Variants in USHBP1 observed in about 807,000 individuals in gnomAD.
USHBP1 encodes USH1 protein network component harmonin binding protein 1.
In USHBP1, 67 loss-of-function variants were observed where a neutral mutation model predicts 76.2. The ratio of observed to expected loss-of-function variants is 0.88; its 90% CI spans 0.72 to 1.08. USHBP1 has a LOEUF of 1.08. Among genes scored for constraint, USHBP1 ranks in the 50% least tolerant of loss-of-function variants. The pLI, the probability that USHBP1 is intolerant of heterozygous loss-of-function variation, is 0.00. For missense variants in USHBP1, 931 were observed against 915.0 expected (o/e 1.02, Z -0.23); for synonymous variants, 322 against 362.2 (o/e 0.89, Z 1.26).
At chr19:17,254,112 G>A (rs184891396) in intron 10 of USHBP1, among the ~76,000 whole-genome samples, 2 of 152,176 alleles carry the variant, frequency 1.3e-5, no homozygotes, top group East Asian at 3.9e-4. Context: ...GGGAGGCTGA[G>A]GCAGGTGGAT....
At chr19:17,263,868 A>G in intron 3 of USHBP1, 134 bp downstream of exon 3, 1 of 1,292,152 alleles carries the variant, frequency 7.7e-7, no homozygotes, top group Non-Finnish European at 1.0e-6. Flanking sequence ...AAGACTCAAA[A>G]AAAAAAGAAA....
intron 4 of USHBP1, among the ~76,000 whole-genome samples, chr19:17,262,063 C>T (rs926320459): frequency 2.1e-5 from 3 of 145,968 alleles, no homozygotes; most frequent in African/African-American, 5.1e-5. Flanking sequence ...TGCATTGGCA[C>T]GATCTCAGCT....
chr19:17,250,378 C>A lies in USHBP1; in HGVS notation c.1959G>T (p.Lys653Asn), dbSNP rs2073534781. 6.2e-7 allele frequency: 1 copy of A among 1,613,570 alleles called. No individual in the cohort carries two copies. Among genetic ancestry groups the A allele is most frequent in the Non-Finnish European group, 8.5e-7 (1 of 1,179,976 alleles). The change falls in exon 13 of 13, where the codon AAG becomes AAT. Residue 653 changes from lysine (K) to asparagine (N), a missense_variant. Physicochemically the swap from Lys to Asn is moderately conservative, Grantham distance 94. Coordinates refer to ENST00000252597, the MANE Select transcript of USHBP1 (RefSeq NM_031941.4). ...CCAACTTCCGGCGTTGCTCTTCCTG[C>A]TTCCGGTGGGCTCCTCGGAAGGCCA... ...LVLAFRGAHR[K>N]QEEQRRKLEQ...
In USHBP1 at chr19:17,255,493, C is replaced by A; in HGVS notation, c.1584G>T (p.Leu528=). ...RALGPAHVLL[L]EQLRWERAEL... The stretch of plus-strand genomic sequence containing the variant: ...CTGCCCGTTCCCACCGCAGCTGCTC[C>A]AGCAGGAGCACGTGAGCTGGACCCA... Residue 528 remains leucine (L), a synonymous_variant, in exon 10 of 13, where the codon CTG becomes CTT. Transcript: ENST00000252597. 6.2e-7 allele frequency: 1 copy of A among 1,613,990 alleles called. No homozygotes were observed. The highest frequency in any genetic ancestry group is 1.1e-5 in the South Asian group (1 of 91,074).
intron 4 of USHBP1, among the ~76,000 whole-genome samples, chr19:17,261,220 C>G (rs1395336305): frequency 6.6e-6 from 1 of 152,182 alleles, no homozygotes; most frequent in South Asian, 2.1e-4. Flanking sequence ...CTGTTGCCCC[C>G]TGTGTTCCAG....
In USHBP1 at chr19:17,264,071, G is replaced by A. The variant is rs750999467; in HGVS notation, c.134C>T (p.Pro45Leu). The change falls in exon 3 of 13, where the codon CCT (proline) becomes CTT (leucine). Residue 45 changes from proline (P) to leucine (L), a missense_variant. By Grantham distance (98) the Pro-to-Leu change is moderately conservative (BLOSUM62 -3). Coordinates refer to ENST00000252597, the MANE Select transcript of USHBP1 (RefSeq NM_031941.4). ...CTGCTCCAGCCCGGAGCTCACCGGAGGTGGGGCAAAGCTGGGCTTGGAGCT... is the reference window on the plus strand; with the variant it reads ...CTGCTCCAGCCCGGAGCTCACCGGAAGTGGGGCAAAGCTGGGCTTGGAGCT... ...SGSSKPSFAPPPVSSGLEQLG... is the reference protein window; with the variant it reads ...SGSSKPSFAPLPVSSGLEQLG... 1 of 1,613,878 alleles carries A rather than the reference G, an allele frequency of 6.2e-7. No homozygotes were observed.
Position 17,264,725 on chromosome 19 carries a change from G to T in USHBP1, c.-103C>A. The T allele has an allele frequency of 5.3e-6, 1 of 188,856 alleles. No homozygotes were observed. The highest frequency in any genetic ancestry group is 1.0e-4 in the South Asian group (1 of 9,680). 11.7% of individuals were successfully genotyped at this position (188,856 alleles called of 1,614,324 possible). A position where few individuals can be genotyped will look rare whatever the true frequency, so the allele number is the denominator to read the frequency against. On this transcript the variant is annotated 5_prime_UTR_variant, in exon 1 of 13. Transcript: ENST00000252597. ...AGAGGCCTGAGTCCCGGGACACTCT[G>T]TTGGGGTCACTCTGACCACTGCCTG... is the stretch of plus-strand genomic sequence containing the variant.
rs371981681 is a variant in USHBP1, at chr19:17,251,916, G to A, written c.1794C>T (p.Leu598=). ...CCCAGGACCCAGGCACACACCTGGT[G>A]AGCGATGCTGCCAGTTCCTGGGCTA... ...EKLAQELAAS[L]TRTLDLQEQL... is the part of the protein sequence containing the mutation. The change falls in exon 11 of 13, where the codon CTC becomes CTT. Residue 598 remains leucine, a synonymous_variant. Coordinates refer to ENST00000252597, the MANE Select transcript of USHBP1 (RefSeq NM_031941.4). 2 of 1,541,676 alleles carry A rather than the reference G, an allele frequency of 1.3e-6. No individual in the cohort carries two copies. The highest frequency in any genetic ancestry group is 2.0e-5 in the Admixed American group (1 of 50,740).
chr19:17,255,218 G>A (rs773953569), intron 10 of USHBP1, among the ~76,000 whole-genome samples, 167 bp downstream of exon 10: 7 of 151,996 alleles, frequency 4.6e-5, no homozygotes, highest in Non-Finnish European at 1.0e-4. Context: ...CTTGAACCTG[G>A]GAGGCGGAGG....
intron 8 of USHBP1, among the ~76,000 whole-genome samples, 176 bp downstream of exon 8, chr19:17,258,036 T>C (rs1239169117): frequency 6.6e-6 from 1 of 152,148 alleles, no homozygotes; most frequent in African/African-American, 2.4e-5. Flanking sequence ...CTTTGTCAAG[T>C]AGCAACAGGC....
chr19:17,256,457 C>T lies in USHBP1; in HGVS notation c.1470+14G>A, dbSNP rs2073620060. ...CCAAGAAAGACTGACACAGTGGCCA[C>T]AGCCCATTTGTACCCTTGCGGCCAC... is the stretch of plus-strand genomic sequence containing the variant. On this transcript the variant is annotated intron_variant, in intron 9 of 12. Coordinates refer to ENST00000252597, the MANE Select transcript of USHBP1 (RefSeq NM_031941.4). 3 of 1,612,636 alleles carry T rather than the reference C, an allele frequency of 1.9e-6. No homozygotes were observed. Among genetic ancestry groups the T allele is most frequent in the Non-Finnish European group, 2.5e-6 (3 of 1,179,964 alleles).
chr19:17,257,900 C>G (rs778464522), intron 8 of USHBP1, among the ~76,000 whole-genome samples: 5 of 152,162 alleles, frequency 3.3e-5, no homozygotes, highest in African/African-American at 4.8e-5. Context: ...CTGCCTGCCT[C>G]GGCCTCCCAA....
Position 17,258,307 on chromosome 19 carries a change from C to T in USHBP1, c.1125G>A (p.Met375Ile). ...ADSGAGDEAPMSDLQAAEKEA... is the reference protein window; with the variant it reads ...ADSGAGDEAPISDLQAAEKEA... Reference sequence around the variant, plus strand: ...CCTTTTCAGCTGCTTGCAGGTCACTCATGGGGGCTTCGTCTCCTGCTCCTG... The same window carrying T: ...CCTTTTCAGCTGCTTGCAGGTCACTTATGGGGGCTTCGTCTCCTGCTCCTG... The change falls in exon 8 of 13, where the codon ATG becomes ATA. Residue 375 changes from methionine (M) to isoleucine (I), a missense_variant. By Grantham distance (10) the Met-to-Ile change is conservative. Coordinates refer to ENST00000252597, the MANE Select transcript of USHBP1 (RefSeq NM_031941.4). 6.2e-7 allele frequency: 1 copy of T among 1,614,116 alleles called. No individual in the cohort carries two copies. The highest frequency in any genetic ancestry group is 8.5e-7 in the Non-Finnish European group (1 of 1,180,026).
chr19:17,251,875 C>A (rs774752349), intron 11 of USHBP1, 36 bp downstream of exon 11: 19 of 1,517,978 alleles, frequency 1.3e-5, no homozygotes, highest in Non-Finnish European at 1.6e-5. Context: ...AGGCTGCCTG[C>A]CCACCCCCCG....
At position 17,264,362 on chromosome 19, in the gene USHBP1, T is replaced by G. The variant is rs2073728419; in HGVS notation, c.-48-15A>C. 1 of 1,520,486 alleles carries G rather than the reference T, an allele frequency of 6.6e-7. No homozygotes were observed. Among genetic ancestry groups the G allele is most frequent in the African/African-American group, 1.4e-5 (1 of 72,420 alleles). The allele number at this position is 1,520,486 out of a possible 1,614,324, so 94.2% of individuals were successfully genotyped here. The stretch of plus-strand genomic sequence containing the variant: ...TTCGTCAACCCCTAAAACCACAGCC[T>G]GCCATGAGCTCTTGCCTTTGTTGTC... On this transcript the variant is annotated splice_polypyrimidine_tract_variant and intron_variant, in intron 1 of 12. Transcript: ENST00000252597.
intron 12 of USHBP1, among the ~76,000 whole-genome samples, chr19:17,250,626 C>T (rs1414650423): frequency 1.3e-5 from 2 of 152,326 alleles, no homozygotes; most frequent in Non-Finnish European, 1.5e-5. Flanking sequence ...TCTCCCCTCA[C>T]TACAACCTCT....
Position 17,262,993 on chromosome 19 carries a change from G to C in USHBP1, c.204-3C>G, listed in dbSNP as rs2073710273. The C allele has an allele frequency of 1.3e-6, 2 of 1,512,352 alleles. No homozygotes were observed. The highest frequency in any genetic ancestry group is 1.8e-6 in the Non-Finnish European group (2 of 1,130,670). The allele number at this position is 1,512,352 out of a possible 1,614,324, so 93.7% of individuals were successfully genotyped here. ...CCCCATCCATCTTCTTGTCAGTCCT[G>C]TGGACACCAACTCAGGCACTTGAGT... On this transcript the variant is annotated splice_polypyrimidine_tract_variant and splice_region_variant and intron_variant, in intron 3 of 12. Transcript: ENST00000252597.
At chr19:17,250,526 T>C in intron 12 of USHBP1, 112 bp from the exon 13 acceptor site, 2 of 1,244,574 alleles carry the variant, frequency 1.6e-6, no homozygotes, top group Non-Finnish European at 2.2e-6. Flanking sequence ...TCTCCAAGGG[T>C]CCCAGCTAGC....
rs1050712758 is a variant in USHBP1 at position 17,258,315 on chromosome 19, C to T, written c.1117G>A (p.Ala373Thr). The change falls in exon 8 of 13, where the codon GCC (alanine) becomes ACC (threonine). Residue 373 changes from alanine to threonine, a missense_variant. Transcript: ENST00000252597. ...READSGAGDE[A>T]PMSDLQAAEK... ...GCTGCTTGCAGGTCACTCATGGGGG[C>T]TTCGTCTCCTGCTCCTGAGTCGGCC... is the stretch of plus-strand genomic sequence containing the variant. 6.2e-7 allele frequency: 1 copy of T among 1,614,084 alleles called. No homozygotes were observed. Among genetic ancestry groups the T allele is most frequent in the Non-Finnish European group, 8.5e-7 (1 of 1,180,034 alleles).
Sources: gnomAD v4.1 joint callset for allele counts (sites outside exome capture counted in the v4.1 genomes callset) on GRCh38, gnomAD v4.1.1 for gene constraint, MANE v1.5 for transcripts, NCBI Gene and HGNC (gene_info 2026-07-23, HGNC 2026-07-21) for gene names.